PPP1R13B: variants seen among roughly 807,000 people sequenced by gnomAD.
The protein encoded by PPP1R13B is apoptosis-stimulating of p53 protein 1.
In PPP1R13B, 44 loss-of-function variants were observed where a neutral mutation model predicts 119.8. The ratio of observed to expected loss-of-function variants is 0.37; its 90% CI spans 0.29 to 0.47. PPP1R13B has a LOEUF of 0.47. PPP1R13B is among the 20% of genes least tolerant of loss of function. PPP1R13B has a pLI of 0.99. For missense variants in PPP1R13B, 1,227 were observed against 1,413.5 expected (o/e 0.87, Z 2.12); for synonymous variants, 542 against 561.5 (o/e 0.97, Z 0.49).
intron 1 of PPP1R13B, among the ~76,000 whole-genome samples, chr14:103,841,024 C>T (rs1436677079): frequency 2.0e-5 from 3 of 152,078 alleles, no homozygotes; most frequent in Admixed American, 6.5e-5. Context: ...CAGTGGCTCA[C>T]GCCTGTAATC....
chr14:103,746,413 G>A lies in PPP1R13B; in HGVS notation c.1110C>T (p.Leu370=). The part of the protein sequence containing the change: ...VLGDPIKPQS[L]SIASNAAHGR... ...CATGAGCAGCATTTGAGGCAATACT[G>A]AGAGACTGGGGCTTTATAGGGTCCC... The change falls in exon 9 of 17, where the codon CTC becomes CTT. Residue 370 remains leucine, a synonymous_variant. Transcript: ENST00000202556. The A allele has an allele frequency of 6.2e-7, 1 of 1,613,214 alleles. No individual in the cohort carries two copies. The highest frequency in any genetic ancestry group is 1.1e-5 in the South Asian group (1 of 91,038).
At chr14:103,808,222 C>T (rs1263627628) in intron 1 of PPP1R13B, among the ~76,000 whole-genome samples, 4 of 149,428 alleles carry the variant, frequency 2.7e-5, no homozygotes, top group South Asian at 4.2e-4. Context: ...CCAGCCCGGG[C>T]GACAGTGACT....
chr14:103,778,015 G>A (rs546582693), intron 4 of PPP1R13B, among the ~76,000 whole-genome samples: 2 of 151,126 alleles, frequency 1.3e-5, no homozygotes, highest in South Asian at 2.1e-4. Flanking sequence ...GCAATGGTGC[G>A]ATCTTGGCTC....
chr14:103,746,802 A>G, intron 8 of PPP1R13B: 1 of 323,584 alleles, frequency 3.1e-6, no homozygotes, highest in Non-Finnish European at 5.6e-6. Flanking sequence ...ATGTGAGGGC[A>G]GAGCAACTTC....
rs117781354 is a variant in PPP1R13B, at chr14:103,734,499, C to T, written c.*655G>A. 9,936 of 456,308 alleles carry T rather than the reference C, an allele frequency of 0.022. 166 individuals are homozygous for T. Among genetic ancestry groups the T allele is most frequent in the South Asian group, 0.042 (2,692 of 64,556 alleles). 28.3% of individuals were successfully genotyped at this position (456,308 alleles called of 1,614,324 possible). A position where few individuals can be genotyped will look rare whatever the true frequency, so the allele number is the denominator to read the frequency against. ...CAGTTGTCACTTGGTCTTAGGGGTCCTGGTGCCCGTGGCGCGGCAGTCCAG... is the reference window on the plus strand; with the variant it reads ...CAGTTGTCACTTGGTCTTAGGGGTCTTGGTGCCCGTGGCGCGGCAGTCCAG... On this transcript the variant is annotated 3_prime_UTR_variant, in exon 17 of 17. Transcript: ENST00000202556.
At chr14:103,744,794 C>T (rs746955628) in intron 9 of PPP1R13B, among the ~76,000 whole-genome samples, 1 of 152,236 alleles carries the variant, frequency 6.6e-6, no homozygotes, top group Admixed American at 6.5e-5. Flanking sequence ...CCAGCTCCAC[C>T]TCTGGGCTGA....
intron 4 of PPP1R13B, among the ~76,000 whole-genome samples, chr14:103,758,777 C>T (rs1028782067): frequency 2.6e-5 from 4 of 152,218 alleles, no homozygotes; most frequent in Non-Finnish European, 5.9e-5. Flanking sequence ...CAAGCTCCCA[C>T]GTTCTACTTC....
intron 1 of PPP1R13B, among the ~76,000 whole-genome samples, chr14:103,843,919 C>T (rs893482423): frequency 6.7e-6 from 1 of 149,396 alleles, no homozygotes; most frequent in South Asian, 2.1e-4. Context: ...TGCCACTGCA[C>T]TCCAGCGTGG....
At chr14:103,784,980 T>TA (rs2085423686) in intron 2 of PPP1R13B, 66 bp from the exon 3 acceptor site, 3 of 1,415,766 alleles carry the variant, frequency 2.1e-6, no homozygotes, top group Non-Finnish European at 2.9e-6. Flanking sequence ...GTAAATTTTG[T>TA]AAAAAACTTA....
At chr14:103,823,901 G>A (rs529256874) in intron 1 of PPP1R13B, among the ~76,000 whole-genome samples, 2 of 151,604 alleles carry the variant, frequency 1.3e-5, no homozygotes, top group African/African-American at 4.8e-5. Context: ...TAAACAGCAG[G>A]TACATACATA....
At chr14:103,801,983 T>C (rs967562032) in intron 1 of PPP1R13B, among the ~76,000 whole-genome samples, 1 of 152,208 alleles carries the variant, frequency 6.6e-6, no homozygotes, top group African/African-American at 2.4e-5. Flanking sequence ...GATTTTTGTA[T>C]ACTGAAATAA....
intron 1 of PPP1R13B, among the ~76,000 whole-genome samples, chr14:103,841,850 T>C (rs2086916709): frequency 6.6e-6 from 1 of 152,156 alleles, no homozygotes; most frequent in Non-Finnish European, 1.5e-5. Context: ...TTAGAGAACT[T>C]CATGCAAGTA....
chr14:103,811,763 C>T (rs2086161074), intron 1 of PPP1R13B, among the ~76,000 whole-genome samples: 1 of 150,362 alleles, frequency 6.7e-6, no homozygotes, highest in Non-Finnish European at 1.5e-5. Context: ...TGGAGTCTCG[C>T]TCTGTCACCC....
Position 103,746,436 on chromosome 14 carries a change from C to A in PPP1R13B, c.1087G>T (p.Asp363Tyr), listed in dbSNP as rs1454954018. ...CTGAGAGACTGGGGCTTTATAGGGT[C>A]CCCCAGCACAGGAAAGCTTCCGGCA... ...PSAGSFPVLGDPIKPQSLSIA... is the reference protein window; with the variant it reads ...PSAGSFPVLGYPIKPQSLSIA... Residue 363 changes from aspartate to tyrosine, a missense_variant, in exon 9 of 17, where the codon GAC becomes TAC. Coordinates refer to ENST00000202556, the MANE Select transcript of PPP1R13B (RefSeq NM_015316.3). 5 of 1,613,836 alleles carry A rather than the reference C, an allele frequency of 3.1e-6. No homozygotes were observed. Among genetic ancestry groups the A allele is most frequent in the Non-Finnish European group, 4.2e-6 (5 of 1,179,936 alleles).
intron 1 of PPP1R13B, among the ~76,000 whole-genome samples, chr14:103,805,132 C>T (rs969843877): frequency 2.0e-5 from 3 of 152,090 alleles, no homozygotes; most frequent in Non-Finnish European, 4.4e-5. Context: ...CCACTATGCC[C>T]GGCCTAAAAA....
At chr14:103,782,181 TATACAC>T (rs1232183089) in intron 3 of PPP1R13B, among the ~76,000 whole-genome samples, 1 of 152,158 alleles carries the variant, frequency 6.6e-6, no homozygotes, top group Non-Finnish European at 1.5e-5. Context: ...GCTTTATACA[TATACAC>T]ATACAAACAG....
rs113989050 is a variant in PPP1R13B, at chr14:103,785,486, G to A, written c.158-572C>T. Among the ~76,000 whole-genome samples, 869 of 150,850 alleles carry A rather than the reference G, an allele frequency of 5.8e-3. 11 individuals are homozygous for A. Among genetic ancestry groups the A allele is most frequent in the African/African-American group, 0.02 (834 of 41,104 alleles). On this transcript the variant is annotated intron_variant, in intron 2 of 16. Coordinates refer to ENST00000202556, the MANE Select transcript of PPP1R13B (RefSeq NM_015316.3). ...ACCCGCCTTGGCCTCCTAAAGTGCT[G>A]GGATTATAGGCGTGAGCCATCACAC...
chr14:103,814,197 A>G (rs1036453543), intron 1 of PPP1R13B, among the ~76,000 whole-genome samples: 4 of 152,034 alleles, frequency 2.6e-5, no homozygotes, highest in African/African-American at 9.7e-5. Flanking sequence ...AAAAATACAA[A>G]TATTAGCCGG....
intron 16 of PPP1R13B, 75 bp from the exon 17 acceptor site, chr14:103,735,270 T>C: frequency 6.8e-7 from 1 of 1,478,394 alleles, no homozygotes; most frequent in South Asian, 1.1e-5. Context: ...CGACCCCTGC[T>C]CCTCACCTCA....
Sources: allele counts gnomAD v4.1 joint callset (sites outside exome capture counted in the v4.1 genomes callset), GRCh38; gene constraint gnomAD v4.1.1; transcripts MANE v1.5; gene names NCBI Gene and HGNC (gene_info 2026-07-23, HGNC 2026-07-21).